SHANK2: variants seen among roughly 807,000 people sequenced by gnomAD.
SHANK2 encodes the protein SH3 and multiple ankyrin repeat domains protein 2.
SHANK2 carries 43 observed loss-of-function variants against 133.7 expected under a neutral mutation model. That is an observed-to-expected ratio of 0.32 (90% CI 0.25 to 0.41). The LOEUF (loss-of-function observed/expected upper bound fraction) is 0.41, where lower values mean the gene tolerates loss of function less well. Among genes scored for constraint, SHANK2 ranks in the 10% least tolerant of loss-of-function variants. The probability of loss-of-function intolerance (pLI) is 1.00; values close to 1 mark genes in which losing one functional copy is unlikely to be tolerated. For missense variants in SHANK2, 1,994 were observed against 2,235.8 expected (o/e 0.89, Z 2.18); for synonymous variants, 1,017 against 952.8 (o/e 1.07, Z -1.24).
At chr11:70,857,959 C>T (rs529775565) in intron 11 of SHANK2, among the ~76,000 whole-genome samples, 15 of 152,318 alleles carry the variant, frequency 9.8e-5, no homozygotes, top group African/African-American at 3.4e-4. Context: ...ACCCACCCCA[C>T]CTTGGAATCC....
intron 14 of SHANK2, among the ~76,000 whole-genome samples, chr11:70,730,989 C>A (rs1417310492): frequency 1.3e-5 from 2 of 152,040 alleles, no homozygotes; most frequent in African/African-American, 4.8e-5. Context: ...AAATCTCATA[C>A]CCATGAAGCA....
chr11:70,821,532 TCTC>T (rs1470897652), intron 11 of SHANK2, among the ~76,000 whole-genome samples: 1 of 152,018 alleles, frequency 6.6e-6, no homozygotes, highest in Non-Finnish European at 1.5e-5. Flanking sequence ...CTCAAACAAT[TCTC>T]CTGCCTCAGG....
At chr11:70,931,584 C>T (rs1590845687) in intron 10 of SHANK2, among the ~76,000 whole-genome samples, 3 of 152,190 alleles carry the variant, frequency 2.0e-5, no homozygotes, top group Admixed American at 6.5e-5. Context: ...TTCCTGGTGG[C>T]GGCACTGTCC....
Position 70,836,442 on chromosome 11 carries a change from G to A in SHANK2, c.1175-15760C>T, listed in dbSNP as rs142768949. ...AAGGCCAGCAGTTGTGCAAGTCAAC[G>A]TTTACAAAGTGCCAGGTATGGAGGG... On this transcript the variant is annotated intron_variant, in intron 11 of 25. Transcript: ENST00000601538. 1.6e-4 allele frequency among the ~76,000 whole-genome samples: 24 copies of A among 152,314 alleles called. No individual in the cohort carries two copies. The East Asian group carries it at 3.7e-3, about 23-fold the overall frequency.
intron 11 of SHANK2, among the ~76,000 whole-genome samples, chr11:70,848,799 G>C (rs1297400009): frequency 6.6e-6 from 1 of 152,198 alleles, no homozygotes; most frequent in African/African-American, 2.4e-5. Flanking sequence ...TGTGCAGTCT[G>C]GCTGTGATCT....
chr11:70,650,862 G>T (rs1198063621), intron 17 of SHANK2, among the ~76,000 whole-genome samples: 1 of 152,228 alleles, frequency 6.6e-6, no homozygotes, highest in Non-Finnish European at 1.5e-5. Flanking sequence ...AACTGTGTCT[G>T]ATTCACGTCT....
At chr11:71,169,855 T>G (rs1365615218) in intron 2 of SHANK2, among the ~76,000 whole-genome samples, 1 of 152,130 alleles carries the variant, frequency 6.6e-6, no homozygotes, top group African/African-American at 2.4e-5. Context: ...ATAACAATAT[T>G]TAGTGAGAGT....
intron 3 of SHANK2, among the ~76,000 whole-genome samples, chr11:71,137,513 G>A (rs2135364757): frequency 6.6e-6 from 1 of 152,220 alleles, no homozygotes; most frequent in South Asian, 2.1e-4. Context: ...GACCGTGGAT[G>A]CTGTGTGAAT....
chr11:70,802,499 C>T (rs186134492), intron 13 of SHANK2, among the ~76,000 whole-genome samples: 74 of 152,294 alleles, frequency 4.9e-4, no homozygotes, highest in East Asian at 4.1e-3. Flanking sequence ...AGGGAGGAAC[C>T]GAGACCCAGT....
chr11:70,502,659 T>C, intron 18 of SHANK2, 137 bp downstream of exon 18: 1 of 1,034,566 alleles, frequency 9.7e-7, no homozygotes, highest in South Asian at 1.6e-5. Flanking sequence ...AATTCCAGCC[T>C]CACCCCTGTG....
chr11:70,785,601 C>A (rs550742603), intron 14 of SHANK2, among the ~76,000 whole-genome samples: 2 of 152,330 alleles, frequency 1.3e-5, no homozygotes, highest in East Asian at 1.9e-4. Flanking sequence ...TCCAGCACCC[C>A]CCAGGGGCTG....
chr11:70,826,779 G>C (rs1565345269), intron 11 of SHANK2: 5 of 303,510 alleles, frequency 1.6e-5, no homozygotes, highest in Non-Finnish European at 3.3e-5. Context: ...CGCGCGTCAT[G>C]TGAGCCGGGC....
chr11:70,604,174 C>T (rs2060542532), intron 17 of SHANK2: 2 of 152,274 alleles, frequency 1.3e-5, no homozygotes, highest in African/African-American at 4.8e-5. Context: ...TCTCCCTTCT[C>T]CTCCCTCCTT....
chr11:70,784,262 C>G (rs569058281), intron 14 of SHANK2, among the ~76,000 whole-genome samples: 54 of 151,062 alleles, frequency 3.6e-4, no homozygotes, highest in African/African-American at 1.3e-3. Flanking sequence ...CTGCAACCTC[C>G]GCCTCCCAGG....
chr11:70,711,007 A>G (rs926951864), intron 14 of SHANK2, among the ~76,000 whole-genome samples: 6 of 152,174 alleles, frequency 3.9e-5, no homozygotes, highest in African/African-American at 1.4e-4. Context: ...AGAGAGAGAG[A>G]GAGGGAGGGA....
At chr11:71,196,674 C>T (rs1329727125) in intron 2 of SHANK2, among the ~76,000 whole-genome samples, 2 of 152,004 alleles carry the variant, frequency 1.3e-5, no homozygotes, top group Non-Finnish European at 2.9e-5. Context: ...CCAGGGGTCT[C>T]CCTGCATGCC....
chr11:71,097,248 A>G (rs1321422259), intron 6 of SHANK2, among the ~76,000 whole-genome samples: 2 of 152,040 alleles, frequency 1.3e-5, no homozygotes, highest in Non-Finnish European at 2.9e-5. Context: ...ATTTGCAAAG[A>G]GCACGTCCGC....
chr11:70,537,239 G>A (rs2059556278), intron 17 of SHANK2, among the ~76,000 whole-genome samples: 2 of 152,222 alleles, frequency 1.3e-5, no homozygotes, highest in South Asian at 2.1e-4. Flanking sequence ...CCCCCAGGAT[G>A]CTCATTAGGA....
intron 14 of SHANK2, among the ~76,000 whole-genome samples, chr11:70,792,622 T>C (rs1947819948): frequency 6.6e-6 from 1 of 152,218 alleles, no homozygotes; most frequent in Non-Finnish European, 1.5e-5. Context: ...TAAATGTTCA[T>C]TTTACAACAT....
Sources: gnomAD v4.1 joint callset for allele counts (sites outside exome capture counted in the v4.1 genomes callset) on GRCh38, gnomAD v4.1.1 for gene constraint, MANE v1.5 for transcripts, NCBI Gene and HGNC (gene_info 2026-07-23, HGNC 2026-07-21) for gene names.